The following ALCAM variants were observed in gnomAD, a reference collection of about 807,000 sequenced individuals.
ALCAM encodes CD166 antigen.
Under a neutral mutation model 70.9 loss-of-function variants are expected in ALCAM, and 30 were observed. The ratio of observed to expected loss-of-function variants is 0.42; its 90% CI spans 0.32 to 0.57. The LOEUF (loss-of-function observed/expected upper bound fraction) is 0.57, where lower values mean the gene tolerates loss of function less well. Ranked by LOEUF, ALCAM falls within the 20% of genes least tolerant of loss-of-function variation. The pLI is 0.11. For synonymous variants in ALCAM, 249 were observed against 242.5 expected, an observed-to-expected ratio of 1.03 and a Z score of -0.25; for missense variants, 591 against 695.1, an observed-to-expected ratio of 0.85 and a Z score of 1.68.
chr3:105,442,138 T>G (rs1937185273), intron 1 of ALCAM, among the ~76,000 whole-genome samples: 1 of 152,164 alleles, frequency 6.6e-6, no homozygotes. Context: ...TGAGGTTGGA[T>G]GAGATTTTAT....
rs1020999807 is a variant in ALCAM, at chr3:105,575,116, C to T, written c.*665C>T. 6.6e-6 allele frequency: 1 copy of T among 152,588 alleles called. No individual in the cohort carries two copies. The highest frequency in any genetic ancestry group is 2.4e-5 in the African/African-American group (1 of 41,436). 9.5% of individuals were successfully genotyped at this position (152,588 alleles called of 1,614,324 possible). Reference sequence around the variant, plus strand: ...TCACAGATGCATATAGACACACATACATAATGGTACTCCCAAACTGACAAT... The same window carrying T: ...TCACAGATGCATATAGACACACATATATAATGGTACTCCCAAACTGACAAT... On this transcript the variant is annotated 3_prime_UTR_variant, in exon 16 of 16. Transcript: ENST00000306107.
intron 1 of ALCAM, among the ~76,000 whole-genome samples, chr3:105,422,269 C>T (rs1936687056): frequency 1.3e-5 from 2 of 151,332 alleles, no homozygotes; most frequent in Admixed American, 6.6e-5. Context: ...GGTTCCATAT[C>T]CTTGTAATTG....
At chr3:105,463,869 C>T (rs1367656865) in intron 1 of ALCAM, among the ~76,000 whole-genome samples, 3 of 151,332 alleles carry the variant, frequency 2.0e-5, no homozygotes, top group African/African-American at 7.3e-5. Context: ...AATGCAATTT[C>T]CTAGGAACTG....
intron 1 of ALCAM, among the ~76,000 whole-genome samples, chr3:105,504,170 G>A: frequency 6.6e-6 from 1 of 152,170 alleles, no homozygotes; most frequent in South Asian, 2.1e-4. Context: ...GTAGTGGCTC[G>A]CTTCTTCAGT....
intron 1 of ALCAM, among the ~76,000 whole-genome samples, chr3:105,402,660 C>A (rs1233232974): frequency 6.6e-6 from 1 of 152,050 alleles, no homozygotes; most frequent in Non-Finnish European, 1.5e-5. Context: ...GCAGAGGCAG[C>A]CATAATCCCC....
At chr3:105,412,995 G>T (rs1487201146) in intron 1 of ALCAM, among the ~76,000 whole-genome samples, 2 of 152,030 alleles carry the variant, frequency 1.3e-5, no homozygotes, top group African/African-American at 4.8e-5. Context: ...AACAGTTTTA[G>T]ATGCTTAAGT....
intron 1 of ALCAM, among the ~76,000 whole-genome samples, chr3:105,463,930 T>C (rs919584430): frequency 2.0e-5 from 3 of 151,450 alleles, no homozygotes; most frequent in Non-Finnish European, 4.4e-5. Context: ...GCATCTTTCC[T>C]AAAGAAGGTT....
At chr3:105,388,472 A>G (rs747985087) in intron 1 of ALCAM, among the ~76,000 whole-genome samples, 16 of 151,634 alleles carry the variant, frequency 1.1e-4, no homozygotes, top group African/African-American at 4.8e-5. Context: ...TGTTATACAT[A>G]TACCATACTC....
chr3:105,542,429 A>G (rs1940143733), intron 8 of ALCAM, among the ~76,000 whole-genome samples: 1 of 151,842 alleles, frequency 6.6e-6, no homozygotes, highest in Admixed American at 6.6e-5. Flanking sequence ...GTTCTTCATG[A>G]CAGTCCATAT....
intron 14 of ALCAM, among the ~76,000 whole-genome samples, chr3:105,563,533 A>T (rs1940673218): frequency 6.6e-6 from 1 of 151,866 alleles, no homozygotes; most frequent in South Asian, 2.1e-4. Flanking sequence ...TGAAATTATA[A>T]ATTCCTCTCA....
intron 1 of ALCAM, among the ~76,000 whole-genome samples, chr3:105,382,286 T>C (rs1935542839): frequency 6.6e-6 from 1 of 152,078 alleles, no homozygotes; most frequent in African/African-American, 2.4e-5. Flanking sequence ...TTTTTATGGC[T>C]GCATAGTATT....
At chr3:105,562,313 T>C (rs1303353747) in intron 14 of ALCAM, among the ~76,000 whole-genome samples, 1 of 152,256 alleles carries the variant, frequency 6.6e-6, no homozygotes, top group Non-Finnish European at 1.5e-5. Context: ...TCAGGTTGAA[T>C]AACTTTTTTA....
intron 15 of ALCAM, 35 bp from the exon 16 acceptor site, chr3:105,574,442 G>A (rs1254004731): frequency 3.3e-5 from 5 of 150,260 alleles, no homozygotes; most frequent in African/African-American, 1.2e-4. Flanking sequence ...TTATTGCTTT[G>A]GAAGCTTATC....
intron 1 of ALCAM, among the ~76,000 whole-genome samples, chr3:105,489,839 TA>T (rs1938536222): frequency 6.9e-6 from 1 of 145,298 alleles, no homozygotes; most frequent in Non-Finnish European, 1.5e-5. Context: ...GAGAAAAAAA[TA>T]TATTCCTGTT....
In ALCAM at chr3:105,539,988, G is replaced by C. The variant is rs991922265; in HGVS notation, c.744G>C (p.Gln248His). ...TAACTCTTACAGATCCTACAGAGCA[G>C]GTGACAATACAAGTGCTGCCACCAA... ...AVFDIYYPTE[Q>H]VTIQVLPPKN... Residue 248 changes from glutamine to histidine, a missense_variant, in exon 7 of 16, where the codon CAG (glutamine) becomes CAC (histidine). Physicochemically the swap from Gln to His is conservative, Grantham distance 24 (BLOSUM62 0). Transcript: ENST00000306107. 7 of 1,612,106 alleles carry C rather than the reference G, an allele frequency of 4.3e-6. No individual in the cohort carries two copies. The highest frequency in any genetic ancestry group is 5.9e-6 in the Non-Finnish European group (7 of 1,178,800).
intron 1 of ALCAM, among the ~76,000 whole-genome samples, chr3:105,471,983 TTCTACCG>T (rs780307900): frequency 7.3e-5 from 11 of 151,580 alleles, no homozygotes; most frequent in Non-Finnish European, 1.6e-4. Flanking sequence ...GTAACCACCA[TTCTACCG>T]TCTATTTCTG....
At chr3:105,545,360 C>A (rs764781393) in intron 9 of ALCAM, 25 bp downstream of exon 9, 2 of 1,533,404 alleles carry the variant, frequency 1.3e-6, no homozygotes, top group African/African-American at 1.4e-5. Flanking sequence ...TGGTACTACC[C>A]TGCTGTTTGG....
intron 4 of ALCAM, 36 bp from the exon 5 acceptor site, chr3:105,533,567 G>A (rs1559824668): frequency 6.3e-7 from 1 of 1,578,222 alleles, no homozygotes; most frequent in Non-Finnish European, 8.7e-7. Flanking sequence ...GCCCCTGATT[G>A]AACCAAGGTA....
At chr3:105,371,301 CTTTT>C (rs1559768156) in intron 1 of ALCAM, among the ~76,000 whole-genome samples, 1 of 152,028 alleles carries the variant, frequency 6.6e-6, no homozygotes, top group African/African-American at 2.4e-5. Context: ...TTTTTCTGCT[CTTTT>C]TTATTTCCCA....
Sources: gnomAD v4.1 joint callset for allele counts (sites outside exome capture counted in the v4.1 genomes callset) on GRCh38, gnomAD v4.1.1 for gene constraint, MANE v1.5 for transcripts, NCBI Gene and HGNC (gene_info 2026-07-23, HGNC 2026-07-21) for gene names.